The following SCCPDH variants were observed in gnomAD, a reference collection of about 807,000 sequenced individuals.
SCCPDH encodes the protein saccharopine dehydrogenase-like oxidoreductase.
Under a neutral mutation model 51.5 loss-of-function variants are expected in SCCPDH, and 34 were observed. The ratio of observed to expected loss-of-function variants is 0.66; its 90% confidence interval spans 0.50 to 0.88. The LOEUF (loss-of-function observed/expected upper bound fraction) is 0.88. SCCPDH is among the 40% of genes least tolerant of loss of function. The pLI, the probability that SCCPDH is intolerant of heterozygous loss-of-function variation, is 0.00. For missense variants in SCCPDH, 464 were observed against 527.1 expected (o/e 0.88, Z 1.17); for synonymous variants, 187 against 191.3 (o/e 0.98, Z 0.19).
chr1:246,736,512 C>A (rs539475973), intron 3 of SCCPDH, among the ~76,000 whole-genome samples: 1 of 151,906 alleles, frequency 6.6e-6, no homozygotes, highest in Non-Finnish European at 1.5e-5. Context: ...CCATCCTGGC[C>A]AACACGGTGA....
intron 9 of SCCPDH, among the ~76,000 whole-genome samples, chr1:246,760,461 G>A (rs1464231892): frequency 6.6e-6 from 1 of 152,082 alleles, no homozygotes; most frequent in Non-Finnish European, 1.5e-5. Flanking sequence ...GTTTCTCCAG[G>A]TAGTACATGG....
rs936725560 is a variant in SCCPDH at position 246,724,663 on chromosome 1, C to G, written c.190+51C>G. The G allele has an allele frequency of 1.4e-5, 19 of 1,393,272 alleles. No homozygotes were observed. The African/African-American group carries it at 1.7e-4, about 12-fold the overall frequency. The allele number at this position is 1,393,272 out of a possible 1,614,324, so 86.3% of individuals were successfully genotyped here. ...TGCGCGGGCGGCTGGGCCGGGGACCCCGCATCGCCCCAAACGAGCGTTTCT... is the reference window on the plus strand; with the variant it reads ...TGCGCGGGCGGCTGGGCCGGGGACCGCGCATCGCCCCAAACGAGCGTTTCT... On this transcript the variant is annotated intron_variant, in intron 1 of 11. Coordinates refer to ENST00000366510, the MANE Select transcript of SCCPDH (RefSeq NM_016002.3).
intron 2 of SCCPDH, among the ~76,000 whole-genome samples, chr1:246,732,544 C>T (rs1668507181): frequency 6.6e-6 from 1 of 152,132 alleles, no homozygotes; most frequent in Admixed American, 6.6e-5. Flanking sequence ...CATGCCGCCA[C>T]ACCTAGCTAA....
chr1:246,739,978 G>C (rs77270563), intron 3 of SCCPDH, among the ~76,000 whole-genome samples, 194 bp from the exon 4 acceptor site: 1 of 152,010 alleles, frequency 6.6e-6, no homozygotes, highest in South Asian at 2.1e-4. Context: ...CACAACTTCT[G>C]TACCACCTGG....
rs7779 is a variant in SCCPDH, at chr1:246,767,262, G to C, written c.1252G>C (p.Gly418Arg). 103,124 of 1,608,782 alleles carry C rather than the reference G, an allele frequency of 0.064. 3,873 individuals carry two copies. The highest frequency in any genetic ancestry group is 0.095 in the Middle Eastern group (574 of 6,044). Residue 418 changes from glycine to arginine, a missense_variant, in exon 12 of 12, where the codon GGT (glycine) becomes CGT (arginine). Transcript: ENST00000366510. ...GTTGATTGACAGACTCAACAAACAC[G>C]GTATTGAGTTTAGTGTTATTAGCAG... ...TKLIDRLNKH[G>R]IEFSVISSSE... is the part of the protein sequence containing the mutation.
At chr1:246,726,651 C>T (rs1326265811) in intron 1 of SCCPDH, among the ~76,000 whole-genome samples, 1 of 152,070 alleles carries the variant, frequency 6.6e-6, no homozygotes, top group African/African-American at 2.4e-5. Context: ...CGCTTTGATT[C>T]GATTTTTTTT....
At chr1:246,760,148 T>C (rs987089487) in intron 8 of SCCPDH, 23 bp from the exon 9 acceptor site, 1 of 1,598,214 alleles carries the variant, frequency 6.3e-7, no homozygotes, top group Non-Finnish European at 8.5e-7. Flanking sequence ...AAAATATCAC[T>C]GACGGTTTTT....
chr1:246,745,044 A>T (rs1246012913), intron 5 of SCCPDH, among the ~76,000 whole-genome samples: 2 of 152,222 alleles, frequency 1.3e-5, no homozygotes, highest in African/African-American at 4.8e-5. Context: ...TGGCCAGGAA[A>T]ATTTTCACCT....
At chr1:246,751,982 C>T (rs1488698969) in intron 5 of SCCPDH, among the ~76,000 whole-genome samples, 8 of 151,516 alleles carry the variant, frequency 5.3e-5, no homozygotes, top group South Asian at 2.1e-4. Flanking sequence ...GGGCTTTCAC[C>T]GTGTTAGCCA....
In SCCPDH at chr1:246,736,055, G is replaced by A. The variant is rs1668584978; in HGVS notation, c.384G>A (p.Gln128=). 3.8e-6 allele frequency: 6 copies of A among 1,597,456 alleles called. No individual in the cohort carries two copies. Among genetic ancestry groups the A allele is most frequent in the Admixed American group, 1.7e-5 (1 of 58,376 alleles). Residue 128 remains glutamine, a splice_region_variant and synonymous_variant, in exon 3 of 12, where the codon CAG becomes CAA. Coordinates refer to ENST00000366510, the MANE Select transcript of SCCPDH (RefSeq NM_016002.3). The part of the protein sequence containing the change: ...ASCIDISGEP[Q]FLELMQLKYH... ...GTATCGACATCAGTGGAGAACCTCAGGTATAAAAAATAAAAAGGAAAAACG... is the reference window on the plus strand; with the variant it reads ...GTATCGACATCAGTGGAGAACCTCAAGTATAAAAAATAAAAAGGAAAAACG...
intron 2 of SCCPDH, among the ~76,000 whole-genome samples, chr1:246,734,012 G>A (rs1274921320): frequency 6.6e-6 from 1 of 152,108 alleles, no homozygotes; most frequent in East Asian, 1.9e-4. Context: ...AATGTCTGGG[G>A]CAGTGATTCT....
At position 246,740,343 on chromosome 1, in the gene SCCPDH, C is replaced by T. The variant is rs778574028; in HGVS notation, c.514+42C>T. 3.2e-5 allele frequency: 48 copies of T among 1,482,676 alleles called. No individual in the cohort carries two copies. In the South Asian group the frequency reaches 5.0e-4, roughly 16 times the overall value. The allele number at this position is 1,482,676 out of a possible 1,614,324, so 91.8% of individuals were successfully genotyped here. A position where few individuals can be genotyped will look rare whatever the true frequency, so the allele number is the denominator to read the frequency against. ...AAGCAATAATGGAATTTAACAGTAC[C>T]GTGCAAAGGCTTCATGTTTCTAACT... is the stretch of plus-strand genomic sequence containing the variant. On this transcript the variant is annotated intron_variant, in intron 4 of 11. Coordinates refer to ENST00000366510, the MANE Select transcript of SCCPDH (RefSeq NM_016002.3).
chr1:246,766,220 T>A, intron 11 of SCCPDH, 81 bp downstream of exon 11: 1 of 1,045,870 alleles, frequency 9.6e-7, no homozygotes, highest in Non-Finnish European at 1.4e-6. Flanking sequence ...TTTTCAGGCT[T>A]TGGGTTTGCA....
intron 4 of SCCPDH, among the ~76,000 whole-genome samples, chr1:246,743,776 G>T (rs1164995501): frequency 1.3e-5 from 2 of 152,132 alleles, no homozygotes; most frequent in African/African-American, 4.8e-5. Flanking sequence ...TACTAGAAAA[G>T]ATTTTGTCAC....
At chr1:246,765,729 A>G (rs1425787387) in intron 10 of SCCPDH, among the ~76,000 whole-genome samples, 2 of 152,156 alleles carry the variant, frequency 1.3e-5, no homozygotes, top group African/African-American at 4.8e-5. Context: ...GGACTCTGGA[A>G]CCAGCTGCCT....
intron 5 of SCCPDH, among the ~76,000 whole-genome samples, chr1:246,749,498 C>A (rs755899391): frequency 6.6e-6 from 1 of 152,148 alleles, no homozygotes; most frequent in Admixed American, 6.5e-5. Context: ...CCTGAGACTT[C>A]TCCTACACCA....
At chr1:246,743,866 C>G (rs1427999519) in intron 4 of SCCPDH, among the ~76,000 whole-genome samples, 1 of 152,162 alleles carries the variant, frequency 6.6e-6, no homozygotes, top group African/African-American at 2.4e-5. Flanking sequence ...TTATGCTAGA[C>G]TACTCTTTCT....
At chr1:246,734,179 T>C (rs796454659) in intron 2 of SCCPDH, among the ~76,000 whole-genome samples, 3 of 152,096 alleles carry the variant, frequency 2.0e-5, no homozygotes, top group African/African-American at 7.2e-5. Flanking sequence ...CATGGCCAAC[T>C]TGAGAAATTT....
At chr1:246,726,156 C>A (rs1391234345) in intron 1 of SCCPDH, among the ~76,000 whole-genome samples, 2 of 152,132 alleles carry the variant, frequency 1.3e-5, no homozygotes, top group Non-Finnish European at 2.9e-5. Flanking sequence ...TGCACCCAGC[C>A]CTGATGGTTT....
Sources: allele counts gnomAD v4.1 joint callset (sites outside exome capture counted in the v4.1 genomes callset), GRCh38; gene constraint gnomAD v4.1.1; transcripts MANE v1.5; gene names NCBI Gene and HGNC (gene_info 2026-07-23, HGNC 2026-07-21).